Variants in DEPDC5 observed in about 807,000 individuals in gnomAD.
DEPDC5 encodes the protein GATOR1 complex protein DEPDC5.
Under a neutral mutation model 217.3 loss-of-function variants are expected in DEPDC5, and 73 were observed. The observed-to-expected ratio is 0.34, with a 90% CI of 0.28 to 0.41. DEPDC5 has a LOEUF of 0.41. DEPDC5 is among the 10% of genes least tolerant of loss of function. The probability of loss-of-function intolerance (pLI) is 1.00; values close to 1 mark genes in which losing one functional copy is unlikely to be tolerated. For synonymous variants in DEPDC5, 733 were observed against 756.7 expected, an observed-to-expected ratio of 0.97 and a Z score of 0.51; for missense variants, 1,675 against 2,070.1, an observed-to-expected ratio of 0.81 and a Z score of 3.70.
chr22:31,818,117 T>A (rs1473526023), intron 21 of DEPDC5, among the ~76,000 whole-genome samples: 1 of 152,162 alleles, frequency 6.6e-6, no homozygotes, highest in Non-Finnish European at 1.5e-5. Context: ...AAGAGTTGGT[T>A]GTGGATTTCA....
At chr22:31,905,326 A>G (rs2093737204) in intron 41 of DEPDC5, among the ~76,000 whole-genome samples, 1 of 151,724 alleles carries the variant, frequency 6.6e-6, no homozygotes, top group African/African-American at 2.4e-5. Flanking sequence ...GGCTAATACA[A>G]AAATTAGCCA....
intron 20 of DEPDC5, among the ~76,000 whole-genome samples, chr22:31,812,284 C>T (rs969564663): frequency 6.6e-6 from 1 of 152,028 alleles, no homozygotes; most frequent in African/African-American, 2.4e-5. Context: ...AGCCACCGCA[C>T]CCGGCCTCAT....
intron 31 of DEPDC5, 36 bp from the exon 32 acceptor site, chr22:31,857,409 G>A (rs887071094): frequency 5.2e-6 from 8 of 1,548,410 alleles, no homozygotes; most frequent in Non-Finnish European, 5.3e-6. Context: ...AGGGAGCTCT[G>A]AGCAAGCTGC....
intron 4 of DEPDC5, among the ~76,000 whole-genome samples, chr22:31,760,979 ATTGT>A (rs2082339774): frequency 6.8e-6 from 1 of 147,002 alleles, no homozygotes; most frequent in Admixed American, 6.8e-5. Flanking sequence ...GTGTCTTAAC[ATTGT>A]TTTTTTTTTT....
chr22:31,772,499 A>C (rs964968235), intron 7 of DEPDC5, among the ~76,000 whole-genome samples: 1 of 152,128 alleles, frequency 6.6e-6, no homozygotes, highest in Non-Finnish European at 1.5e-5. Flanking sequence ...ACATCTGCAA[A>C]ATGGAGTAGT....
At chr22:31,901,000 T>G (rs2093638083) in intron 40 of DEPDC5, among the ~76,000 whole-genome samples, 1 of 152,142 alleles carries the variant, frequency 6.6e-6, no homozygotes, top group Non-Finnish European at 1.5e-5. Flanking sequence ...CCCAGCACTT[T>G]GGGAGGCCGA....
chr22:31,857,735 A>G (rs1357863683), intron 32 of DEPDC5, 182 bp downstream of exon 32: 1 of 503,710 alleles, frequency 2.0e-6, no homozygotes, highest in African/African-American at 2.0e-5. Flanking sequence ...TCTTATTCAC[A>G]GTTGTAAGGA....
chr22:31,803,607 AATTTGATTTGTTTC>A (rs2087134474), intron 15 of DEPDC5, among the ~76,000 whole-genome samples: 1 of 151,696 alleles, frequency 6.6e-6, no homozygotes, highest in African/African-American at 2.4e-5. Flanking sequence ...CACACCCCCC[AATTTGATTTGTTTC>A]ATCAACAAGA....
chr22:31,873,438 A>C, intron 35 of DEPDC5, 106 bp downstream of exon 35: 4 of 1,253,646 alleles, frequency 3.2e-6, no homozygotes, highest in Non-Finnish European at 4.4e-6. Flanking sequence ...TGTACTTCTC[A>C]CCAGTTTTGA....
intron 32 of DEPDC5, 180 bp downstream of exon 32, chr22:31,857,733 A>T: frequency 1.9e-6 from 1 of 518,362 alleles, no homozygotes; most frequent in Non-Finnish European, 3.4e-6. Context: ...TTTCTTATTC[A>T]CAGTTGTAAG....
chr22:31,856,209 C>A (rs1423023617), intron 31 of DEPDC5, among the ~76,000 whole-genome samples: 1 of 150,640 alleles, frequency 6.6e-6, no homozygotes, highest in Non-Finnish European at 1.5e-5. Context: ...CTATGACACA[C>A]ACACACACAC....
intron 1 of DEPDC5, 99 bp from the exon 2 acceptor site, chr22:31,754,763 C>T: frequency 1.3e-6 from 1 of 749,274 alleles, no homozygotes; most frequent in Non-Finnish European, 2.2e-6. Context: ...CACCACTTCA[C>T]AGCAGAGGAA....
intron 38 of DEPDC5, 73 bp from the exon 39 acceptor site, chr22:31,893,509 A>G (rs1026407673): frequency 1.4e-6 from 2 of 1,383,328 alleles, no homozygotes; most frequent in African/African-American, 3.0e-5. Flanking sequence ...ATATCTGGAT[A>G]CTTAGTTATT....
At chr22:31,864,217 T>C (rs926896980) in intron 33 of DEPDC5, among the ~76,000 whole-genome samples, 1 of 151,384 alleles carries the variant, frequency 6.6e-6, no homozygotes, top group African/African-American at 2.4e-5. Context: ...CAAGTGATTG[T>C]CCTGCCCCAG....
chr22:31,814,963 A>G (rs373751917), intron 20 of DEPDC5, 29 bp from the exon 21 acceptor site: 1 of 1,612,932 alleles, frequency 6.2e-7, no homozygotes, highest in South Asian at 1.1e-5. Flanking sequence ...CCCTCGCTTG[A>G]TGGTAACTTT....
intron 36 of DEPDC5, among the ~76,000 whole-genome samples, chr22:31,874,849 T>C (rs1219084886): frequency 6.6e-6 from 1 of 152,172 alleles, no homozygotes; most frequent in Non-Finnish European, 1.5e-5. Context: ...GATCTTTCTC[T>C]CATTTGTCTC....
chr22:31,801,277 T>C (rs1307412666), intron 14 of DEPDC5, among the ~76,000 whole-genome samples: 4 of 152,018 alleles, frequency 2.6e-5, no homozygotes, highest in Non-Finnish European at 5.9e-5. Context: ...GCCTGGGTGA[T>C]GGAGTTAGAC....
chr22:31,760,303 C>T (rs997751477), intron 3 of DEPDC5, among the ~76,000 whole-genome samples: 1 of 151,600 alleles, frequency 6.6e-6, no homozygotes. Context: ...CTCCTGACCT[C>T]ATGATCCGCC....
intron 38 of DEPDC5, among the ~76,000 whole-genome samples, chr22:31,883,554 T>TA (rs2093233186): frequency 6.6e-6 from 1 of 152,220 alleles, no homozygotes; most frequent in Non-Finnish European, 1.5e-5. Context: ...TCAGGTCCTG[T>TA]ACAGAGCAGA....
Sources: gnomAD v4.1 joint callset for allele counts (sites outside exome capture counted in the v4.1 genomes callset) on GRCh38, gnomAD v4.1.1 for gene constraint, MANE v1.5 for transcripts, NCBI Gene and HGNC (gene_info 2026-07-23, HGNC 2026-07-21) for gene names.